MACF1: variants seen among roughly 807,000 people sequenced by gnomAD.
MACF1 encodes microtubule-actin cross-linking factor 1.
Under a neutral mutation model 854.8 loss-of-function variants are expected in MACF1, and 193 were observed. That is an observed-to-expected ratio of 0.23 (90% confidence interval 0.20 to 0.25). The LOEUF is 0.25. Ranked by LOEUF, MACF1 falls within the 10% of genes least tolerant of loss-of-function variation. MACF1 has a pLI of 1.00. For missense variants in MACF1, 7,722 were observed against 8,929.1 expected (o/e 0.86, Z 5.45); for synonymous variants, 3,185 against 3,226.7 (o/e 0.99, Z 0.44).
At chr1:39,476,042 A>G (rs542251873) in intron 97 of MACF1, among the ~76,000 whole-genome samples, 34 of 152,164 alleles carry the variant, frequency 2.2e-4, no homozygotes, top group Middle Eastern at 3.4e-3. Context: ...CAGCAGAGAG[A>G]TGTTTTTACC....
At chr1:39,092,936 C>T (rs1641842851) in intron 2 of MACF1, among the ~76,000 whole-genome samples, 1 of 152,048 alleles carries the variant, frequency 6.6e-6, no homozygotes, top group African/African-American at 2.4e-5. Flanking sequence ...GTGCCTGACA[C>T]CATGCCCAGC....
chr1:39,438,402 C>T (rs891208130), intron 71 of MACF1, among the ~76,000 whole-genome samples: 3 of 152,200 alleles, frequency 2.0e-5, no homozygotes, highest in African/African-American at 7.2e-5. Flanking sequence ...TTAGCACTAC[C>T]TTTATAGTAG....
intron 2 of MACF1, among the ~76,000 whole-genome samples, chr1:39,114,400 A>G (rs1040871480): frequency 2.0e-5 from 3 of 152,134 alleles, no homozygotes; most frequent in Non-Finnish European, 2.9e-5. Context: ...CCTGCCAAGT[A>G]ATCCACATAC....
Position 39,331,999 on chromosome 1 carries a change from T to G in MACF1, c.5411T>G (p.Leu1804Arg). The G allele has an allele frequency of 6.2e-7, 1 of 1,613,848 alleles. No homozygotes were observed. Among genetic ancestry groups the G allele is most frequent in the East Asian group, 2.2e-5 (1 of 44,872 alleles). Reference sequence around the variant, plus strand: ...GACCAAGATATGGCCTGTGCTATCCTCATAAGGCAGCTTCAGACAGGAGGC... The same window carrying G: ...GACCAAGATATGGCCTGTGCTATCCGCATAAGGCAGCTTCAGACAGGAGGC... ...LIDQDMACAI[L>R]IRQLQTGGII... The change falls in exon 37 of 101, where the codon CTC (leucine) becomes CGC (arginine). Residue 1804 changes from leucine to arginine, a missense_variant. This residue lies in a region of MACF1 where 1,531 missense variants were observed against 1,601.6 expected (regional missense o/e 0.96). Coordinates refer to ENST00000564288, the MANE Select transcript of MACF1 (RefSeq NM_001394062.1).
At chr1:39,234,063 C>G (rs1644821108) in intron 2 of MACF1, among the ~76,000 whole-genome samples, 1 of 146,454 alleles carries the variant, frequency 6.8e-6, no homozygotes, top group East Asian at 2.0e-4. Context: ...CCATTTAACC[C>G]TGAGTGGACA....
At position 39,469,461 on chromosome 1, in the gene MACF1, C is replaced by T. The variant is rs922575171; in HGVS notation, c.21890-86C>T. ...CATGTGGGTGCACAGGAGGCTCCCC[C>T]ACTGTCTGCCAATTTGTCTTTCTTG... On this transcript the variant is annotated intron_variant, in intron 96 of 100. Transcript: ENST00000564288. 6.3e-6 allele frequency: 6 copies of T among 957,292 alleles called. No individual in the cohort carries two copies. The African/African-American group carries it at 8.1e-5, about 13-fold the overall frequency. 59.3% of individuals were successfully genotyped at this position (957,292 alleles called of 1,614,324 possible).
At chr1:39,466,546 G>A (rs954284368) in intron 95 of MACF1, among the ~76,000 whole-genome samples, 5 of 152,198 alleles carry the variant, frequency 3.3e-5, no homozygotes, top group African/African-American at 1.2e-4. Flanking sequence ...GGTACACACA[G>A]GTGCATACTC....
chr1:39,209,126 C>T (rs538803239), intron 1 of MACF1, among the ~76,000 whole-genome samples: 3 of 151,918 alleles, frequency 2.0e-5, no homozygotes, highest in African/African-American at 7.2e-5. Flanking sequence ...GTGGCACATA[C>T]CTGTAATCCC....
At chr1:39,210,989 T>C (rs1472162811) in intron 1 of MACF1, among the ~76,000 whole-genome samples, 1 of 149,568 alleles carries the variant, frequency 6.7e-6, no homozygotes, top group Non-Finnish European at 1.5e-5. Context: ...CCTTTTTTGA[T>C]GGAGTCTTGC....
At chr1:39,160,662 A>G (rs539636009) in intron 2 of MACF1, among the ~76,000 whole-genome samples, 2 of 152,214 alleles carry the variant, frequency 1.3e-5, no homozygotes, top group Non-Finnish European at 2.9e-5. Flanking sequence ...GTTCCTGGAA[A>G]GAGGACATGT....
intron 38 of MACF1, among the ~76,000 whole-genome samples, chr1:39,337,631 A>G (rs1413594755): frequency 7.9e-6 from 1 of 126,802 alleles, no homozygotes; most frequent in Non-Finnish European, 1.6e-5. Flanking sequence ...AGTAGCGGTG[A>G]TCTCGGCTCA....
chr1:39,293,656 T>A, intron 18 of MACF1, 37 bp downstream of exon 18: 1 of 1,584,248 alleles, frequency 6.3e-7, no homozygotes. Flanking sequence ...TCATACTTAT[T>A]TAACAGCAGC....
intron 6 of MACF1, among the ~76,000 whole-genome samples, chr1:39,261,547 G>T (rs908658864): frequency 2.0e-5 from 3 of 152,090 alleles, no homozygotes; most frequent in Non-Finnish European, 4.4e-5. Flanking sequence ...CATATAAATG[G>T]AATCCTATGA....
At chr1:39,222,604 T>G (rs545127210) in intron 1 of MACF1, among the ~76,000 whole-genome samples, 29 of 152,330 alleles carry the variant, frequency 1.9e-4, no homozygotes, top group African/African-American at 7.0e-4. Flanking sequence ...ATTAATCAAC[T>G]CTATGCTTGT....
chr1:39,333,740 A>G lies in MACF1; in HGVS notation c.7152A>G (p.Val2384=). 6.2e-7 allele frequency: 1 copy of G among 1,614,220 alleles called. No homozygotes were observed. The highest frequency in any genetic ancestry group is 8.5e-7 in the Non-Finnish European group (1 of 1,180,036). ...CCCGTACCCAGACACTGTGCTCTGT[A>G]AAGGATGCAGTTACAGTTGGACTTC... ...LDPRTQTLCS[V]KDAVTVGLLD... is the part of the protein sequence containing the mutation. The change falls in exon 37 of 101, where the codon GTA becomes GTG. Residue 2384 remains valine, a synonymous_variant. Coordinates refer to ENST00000564288, the MANE Select transcript of MACF1 (RefSeq NM_001394062.1).
intron 37 of MACF1, 71 bp from the exon 38 acceptor site, chr1:39,337,111 C>T: frequency 6.8e-7 from 1 of 1,477,574 alleles, no homozygotes; most frequent in Non-Finnish European, 9.1e-7. Flanking sequence ...CTAACAAAAA[C>T]CCCTGCCTGC....
chr1:39,404,117 ACT>A (rs1394306899), intron 58 of MACF1, among the ~76,000 whole-genome samples: 1 of 151,124 alleles, frequency 6.6e-6, no homozygotes, highest in Non-Finnish European at 1.5e-5. Flanking sequence ...ACAGAGTGAG[ACT>A]CTGCCTCAAA....
At chr1:39,371,008 T>C (rs1569758337) in intron 51 of MACF1, among the ~76,000 whole-genome samples, 1 of 152,120 alleles carries the variant, frequency 6.6e-6, no homozygotes, top group Admixed American at 6.6e-5. Flanking sequence ...GTTTGGGGAC[T>C]GTGGCTCTTT....
intron 6 of MACF1, among the ~76,000 whole-genome samples, chr1:39,276,030 G>A (rs573665433): frequency 6.6e-6 from 1 of 151,710 alleles, no homozygotes; most frequent in East Asian, 1.9e-4. Flanking sequence ...AACGATCCTC[G>A]TGCCTCAACT....
Sources: gnomAD v4.1 joint callset for allele counts (sites outside exome capture counted in the v4.1 genomes callset) on GRCh38, gnomAD v4.1.1 for gene constraint, gnomAD v4.1.1 regional missense constraint, MANE v1.5 for transcripts, NCBI Gene and HGNC (gene_info 2026-07-23, HGNC 2026-07-21) for gene names.